FHIT: variants seen among roughly 807,000 people sequenced by gnomAD.
The protein encoded by FHIT is bis(5'-adenosyl)-triphosphatase.
In FHIT, 19 loss-of-function variants were observed where a neutral mutation model predicts 17.9. The observed-to-expected ratio is 1.06, with a 90% confidence interval of 0.74 to 1.56. The LOEUF is 1.56. Ranked by LOEUF, FHIT falls within the 40% of genes most tolerant of loss-of-function variation. The pLI, the probability that FHIT is intolerant of heterozygous loss-of-function variation, is 0.00. For synonymous variants in FHIT, 81 were observed against 69.7 expected (o/e 1.16, Z -0.81); for missense variants, 248 against 189.2 (o/e 1.31, Z -1.82).
chr3:60,327,557 T>A (rs145749637), intron 5 of FHIT, among the ~76,000 whole-genome samples: 1 of 152,238 alleles, frequency 6.6e-6, no homozygotes, highest in Non-Finnish European at 1.5e-5. Flanking sequence ...TTGTAGACCA[T>A]GTCTTGCATA....
At chr3:60,624,600 G>A (rs1331475523) in intron 4 of FHIT, among the ~76,000 whole-genome samples, 2 of 152,138 alleles carry the variant, frequency 1.3e-5, no homozygotes, top group African/African-American at 4.8e-5. Context: ...CTACCAAGAA[G>A]AAAAACTGGA....
At chr3:60,045,258 A>G (rs1309081654) in intron 5 of FHIT, among the ~76,000 whole-genome samples, 1 of 152,150 alleles carries the variant, frequency 6.6e-6, no homozygotes, top group East Asian at 1.9e-4. Context: ...TATGATAAAG[A>G]CATACCTGAG....
In FHIT at chr3:60,726,234, AG is replaced by A. The variant is rs1304310306; in HGVS notation, c.-18+95684del. ...AATCAAGATTTATTTGATCGCTGAA[AG>A]GGTTTTGTCAACACTCCAAAAATTG... On this transcript the variant is annotated intron_variant, in intron 4 of 9. Coordinates refer to ENST00000492590, the MANE Select transcript of FHIT (RefSeq NM_002012.4). 3.3e-5 allele frequency among the ~76,000 whole-genome samples: 5 copies of A among 152,288 alleles called. No individual in the cohort carries two copies. The East Asian group carries it at 9.6e-4, about 29-fold the overall frequency.
At chr3:60,196,223 CA>C (rs1055248294) in intron 5 of FHIT, among the ~76,000 whole-genome samples, 74 of 152,194 alleles carry the variant, frequency 4.9e-4, no homozygotes, top group African/African-American at 1.7e-3. Context: ...AAAAAGTAAG[CA>C]GGGCTGTGTT....
intron 4 of FHIT, among the ~76,000 whole-genome samples, chr3:60,582,815 C>A (rs570903834): frequency 6.6e-6 from 1 of 152,112 alleles, no homozygotes; most frequent in African/African-American, 2.4e-5. Context: ...GTGTCAGATC[C>A]TGTACTAAGC....
intron 5 of FHIT, among the ~76,000 whole-genome samples, chr3:60,490,554 C>CACAG (rs1347312344): frequency 0.039 from 5,866 of 151,912 alleles, 359 homozygotes; most frequent in African/African-American, 0.13. Flanking sequence ...TCTTTTAAAC[C>CACAG]TCTTGCTCCG....
At chr3:61,140,996 T>C (rs1030442070) in intron 2 of FHIT, among the ~76,000 whole-genome samples, 6 of 152,240 alleles carry the variant, frequency 3.9e-5, no homozygotes, top group African/African-American at 1.4e-4. Context: ...TGATGTCAAC[T>C]AGTTTGCTTA....
chr3:60,435,927 G>A (rs241687), intron 5 of FHIT, among the ~76,000 whole-genome samples: 75,539 of 151,970 alleles, frequency 0.5, 21,100 homozygotes, highest in Non-Finnish European at 0.62. Flanking sequence ...TTCTGTTCCT[G>A]CATTCGTTTG....
chr3:60,136,790 G>C lies in FHIT; in HGVS notation c.104-122638C>G, dbSNP rs543421776. On this transcript the variant is annotated intron_variant, in intron 5 of 9. Transcript: ENST00000492590. The stretch of plus-strand genomic sequence containing the variant: ...CCTCTCACGAGGCCATGTACCTTGT[G>C]GGGGAGCTGTGTCTCCACAAAAGGA... 3.8e-4 allele frequency among the ~76,000 whole-genome samples: 58 copies of C among 152,238 alleles called. 1 individual carries two copies. In the South Asian group the frequency reaches 0.011, roughly 29 times the overall value.
chr3:60,129,042 C>CTTTTTTTTTTTTT (rs1360333142), intron 5 of FHIT, among the ~76,000 whole-genome samples: 6 of 113,056 alleles, frequency 5.3e-5, no homozygotes, highest in African/African-American at 1.7e-4. Flanking sequence ...TTCTTCTTTC[C>CTTTTTTTTTTTTT]TTTTTTGTTT....
intron 5 of FHIT, among the ~76,000 whole-genome samples, chr3:60,297,375 T>C (rs1192971190): frequency 6.6e-6 from 1 of 152,128 alleles, no homozygotes; most frequent in East Asian, 1.9e-4. Flanking sequence ...GATTTTCATG[T>C]ATTTATTTTT....
intron 4 of FHIT, among the ~76,000 whole-genome samples, chr3:60,784,534 C>T (rs1700499870): frequency 1.3e-5 from 2 of 152,088 alleles, no homozygotes; most frequent in African/African-American, 4.8e-5. Context: ...TGGGGTTTTG[C>T]CATGTTGGCC....
chr3:60,969,108 T>C (rs1156913194), intron 3 of FHIT, among the ~76,000 whole-genome samples: 2 of 152,134 alleles, frequency 1.3e-5, no homozygotes, highest in South Asian at 4.1e-4. Flanking sequence ...ATAACTGATA[T>C]TGCTTCTTCC....
intron 4 of FHIT, among the ~76,000 whole-genome samples, chr3:60,673,484 G>C (rs1300078120): frequency 1.3e-5 from 2 of 151,994 alleles, no homozygotes; most frequent in Non-Finnish European, 2.9e-5. Context: ...ATGGCCACAG[G>C]GAGGGAAACA....
intron 5 of FHIT, among the ~76,000 whole-genome samples, chr3:60,410,852 A>T (rs949974117): frequency 6.6e-6 from 1 of 152,162 alleles, no homozygotes; most frequent in African/African-American, 2.4e-5. Context: ...CTTCCTGCAA[A>T]CACAGACACC....
chr3:60,767,733 A>G (rs1699904048), intron 4 of FHIT, among the ~76,000 whole-genome samples: 1 of 152,224 alleles, frequency 6.6e-6, no homozygotes. Context: ...ATTAGAATCA[A>G]AGAAAGGCTT....
At chr3:59,968,757 C>G (rs375411745) in intron 7 of FHIT, among the ~76,000 whole-genome samples, 1 of 152,314 alleles carries the variant, frequency 6.6e-6, no homozygotes, top group East Asian at 1.9e-4. Context: ...AAGCACTCAA[C>G]GCTGCTAGAT....
intron 8 of FHIT, among the ~76,000 whole-genome samples, chr3:59,863,233 T>C (rs1043441416): frequency 1.3e-5 from 2 of 152,154 alleles, no homozygotes; most frequent in African/African-American, 4.8e-5. Flanking sequence ...TTAATGAACA[T>C]CAGAGGGACG....
At chr3:59,751,457 C>T (rs1274175179) in intron 9 of FHIT, 5 of 204,088 alleles carry the variant, frequency 2.4e-5, no homozygotes, top group Non-Finnish European at 4.0e-5. Context: ...GTCATTCCAG[C>T]AGTCTACTAT....
Sources: gnomAD v4.1 joint callset for allele counts (sites outside exome capture counted in the v4.1 genomes callset) on GRCh38, gnomAD v4.1.1 for gene constraint, MANE v1.5 for transcripts, NCBI Gene and HGNC (gene_info 2026-07-23, HGNC 2026-07-21) for gene names.